DLG2: variants seen among roughly 807,000 people sequenced by gnomAD.
DLG2 encodes the protein disks large homolog 2.
DLG2 carries 45 observed loss-of-function variants against 132.5 expected under a neutral mutation model. The ratio of observed to expected loss-of-function variants is 0.34; its 90% CI spans 0.27 to 0.44. DLG2 has a LOEUF of 0.44. Ranked by LOEUF, DLG2 falls within the 20% of genes least tolerant of loss-of-function variation. DLG2 has a pLI of 1.00. For synonymous variants in DLG2, 424 were observed against 419.6 expected (o/e 1.01, Z -0.13); for missense variants, 1,045 against 1,196.9 (o/e 0.87, Z 1.87).
In DLG2 at chr11:84,442,706, A is replaced by AAAAGAAAGAAAG. The variant is rs56224511; in HGVS notation, c.519+91852_519+91863dup. On this transcript the variant is annotated intron_variant, in intron 7 of 27. Transcript: ENST00000376104. ...CCCAGAACTTAAGTATAATTAAAAA[A>AAAAGAAAGAAAG]AAAGAAAGAAAGAAAGAAAGAAAGA... Among the ~76,000 whole-genome samples, 882 of 148,970 alleles carry AAAAGAAAGAAAG rather than the reference A, an allele frequency of 5.9e-3. 9 individuals carry two copies. The highest frequency in any genetic ancestry group is 0.021 in the African/African-American group (847 of 39,556).
chr11:85,007,238 G>A (rs2154133499), intron 6 of DLG2, among the ~76,000 whole-genome samples: 1 of 152,172 alleles, frequency 6.6e-6, no homozygotes, highest in African/African-American at 2.4e-5. Context: ...GATAATATTG[G>A]TACCTTTGTC....
intron 6 of DLG2, among the ~76,000 whole-genome samples, chr11:84,987,776 G>A (rs928839854): frequency 1.3e-5 from 2 of 152,172 alleles, no homozygotes; most frequent in African/African-American, 4.8e-5. Context: ...ACTCAAGATG[G>A]ATCAAGGACT....
At chr11:83,687,191 T>A (rs771251330) in intron 18 of DLG2, among the ~76,000 whole-genome samples, 15 of 152,200 alleles carry the variant, frequency 9.9e-5, no homozygotes, top group Non-Finnish European at 1.8e-4. Context: ...TCCAAAATGT[T>A]GAAACAATAC....
At chr11:85,496,181 C>T (rs1198298919) in intron 3 of DLG2, among the ~76,000 whole-genome samples, 1 of 152,162 alleles carries the variant, frequency 6.6e-6, no homozygotes, top group Non-Finnish European at 1.5e-5. Context: ...CCTGGAGGAA[C>T]AGTATACTCC....
chr11:85,047,928 G>A (rs2062508404), intron 6 of DLG2, among the ~76,000 whole-genome samples: 1 of 151,812 alleles, frequency 6.6e-6, no homozygotes, highest in African/African-American at 2.4e-5. Context: ...CTAAGTGAGA[G>A]TTTTACCTGT....
At chr11:83,900,268 T>A (rs1472102898) in intron 15 of DLG2, among the ~76,000 whole-genome samples, 1 of 151,898 alleles carries the variant, frequency 6.6e-6, no homozygotes, top group Non-Finnish European at 1.5e-5. Flanking sequence ...GGATAGAAAA[T>A]AAAATCCCAT....
chr11:84,203,632 T>C (rs1435330130), intron 8 of DLG2, among the ~76,000 whole-genome samples: 1 of 142,652 alleles, frequency 7.0e-6, no homozygotes, highest in African/African-American at 2.6e-5. Context: ...AGCAGGGACA[T>C]GGATGGAGCT....
intron 10 of DLG2, among the ~76,000 whole-genome samples, chr11:84,073,105 C>T (rs1382778497): frequency 1.3e-5 from 2 of 152,138 alleles, no homozygotes; most frequent in Non-Finnish European, 2.9e-5. Context: ...CAGGGTAGAA[C>T]AGAGTTGGCA....
At chr11:84,616,586 C>A (rs1021801212) in intron 6 of DLG2, among the ~76,000 whole-genome samples, 1 of 151,980 alleles carries the variant, frequency 6.6e-6, no homozygotes, top group African/African-American at 2.4e-5. Flanking sequence ...TGAAAAGAGT[C>A]CTAAATTTTA....
intron 7 of DLG2, among the ~76,000 whole-genome samples, chr11:84,392,697 G>A (rs2098796772): frequency 6.6e-6 from 1 of 152,090 alleles, no homozygotes; most frequent in Non-Finnish European, 1.5e-5. Context: ...ATTTTACAGA[G>A]AAGAAAATAG....
At chr11:83,953,131 T>G (rs2154148983) in intron 14 of DLG2, among the ~76,000 whole-genome samples, 1 of 152,302 alleles carries the variant, frequency 6.6e-6, no homozygotes, top group African/African-American at 2.4e-5. Flanking sequence ...ATTTATAAAT[T>G]GATAGTGTCG....
chr11:85,004,802 T>C (rs916657498), intron 6 of DLG2, among the ~76,000 whole-genome samples: 4 of 152,220 alleles, frequency 2.6e-5, no homozygotes, highest in Non-Finnish European at 4.4e-5. Flanking sequence ...TCTTTGCCCA[T>C]GCCTATGTCC....
intron 5 of DLG2, among the ~76,000 whole-genome samples, chr11:85,152,127 A>G (rs1286294466): frequency 6.6e-6 from 1 of 152,202 alleles, no homozygotes; most frequent in Non-Finnish European, 1.5e-5. Context: ...ATAAATATAC[A>G]CTATAGCCTA....
intron 6 of DLG2, among the ~76,000 whole-genome samples, chr11:84,882,096 T>C (rs1468163191): frequency 6.6e-6 from 1 of 152,140 alleles, no homozygotes; most frequent in Non-Finnish European, 1.5e-5. Flanking sequence ...ATTTTAATCC[T>C]TGAAATTAAA....
chr11:85,114,614 G>A (rs2152332404), intron 5 of DLG2, among the ~76,000 whole-genome samples: 1 of 152,054 alleles, frequency 6.6e-6, no homozygotes. Flanking sequence ...ACAGGTTGAT[G>A]TCTCCAAACC....
chr11:84,873,444 A>C (rs950174464), intron 6 of DLG2, among the ~76,000 whole-genome samples: 1 of 152,206 alleles, frequency 6.6e-6, no homozygotes, highest in African/African-American at 2.4e-5. Flanking sequence ...AATGTAGATA[A>C]TAAGTTTGTG....
At chr11:85,235,684 A>G (rs1176092417) in intron 4 of DLG2, among the ~76,000 whole-genome samples, 3 of 151,960 alleles carry the variant, frequency 2.0e-5, no homozygotes, top group East Asian at 1.9e-4. Flanking sequence ...GTAAGTTGAC[A>G]TAAGTATTTA....
chr11:83,979,360 C>A (rs921287988), intron 12 of DLG2, among the ~76,000 whole-genome samples: 14 of 152,248 alleles, frequency 9.2e-5, no homozygotes, highest in African/African-American at 3.4e-4. Flanking sequence ...TCCTTGCAGA[C>A]AGATTAGAAG....
chr11:83,942,820 G>C (rs1460417488), intron 14 of DLG2, among the ~76,000 whole-genome samples: 2 of 152,198 alleles, frequency 1.3e-5, no homozygotes, highest in Non-Finnish European at 2.9e-5. Flanking sequence ...GTAACTATGT[G>C]AGGTAATGAA....
Sources: gnomAD v4.1 joint callset for allele counts (sites outside exome capture counted in the v4.1 genomes callset) on GRCh38, gnomAD v4.1.1 for gene constraint, MANE v1.5 for transcripts, NCBI Gene and HGNC (gene_info 2026-07-23, HGNC 2026-07-21) for gene names.